Variants in HELZ observed in about 807,000 individuals in gnomAD.
HELZ encodes helicase with zinc finger, also known as ATP-dependent RNA helicase with zinc finger domain.
HELZ carries 23 observed loss-of-function variants against 218.2 expected under a neutral mutation model. The observed-to-expected ratio is 0.11, with a 90% confidence interval of 0.08 to 0.15. HELZ has a LOEUF of 0.15. Ranked by LOEUF, HELZ falls within the 10% of genes least tolerant of loss-of-function variation. The pLI is 1.00. For synonymous variants in HELZ, 814 were observed against 829.4 expected, an observed-to-expected ratio of 0.98 and a Z score of 0.32; for missense variants, 1,813 against 2,353.7, an observed-to-expected ratio of 0.77 and a Z score of 4.75.
Position 67,108,704 on chromosome 17 carries a change from A to G in HELZ, c.4512T>C (p.Ala1504=), listed in dbSNP as rs200331378. The G allele has an allele frequency of 2.5e-3, 4,017 of 1,611,522 alleles. 14 individuals are homozygous for G. Among genetic ancestry groups the G allele is most frequent in the Non-Finnish European group, 3.1e-3 (3,600 of 1,177,900 alleles). ...CCTGCTGCTGCCTTAATGTTTCCAGAGCGACACTCCCATGTATACGATCTG... is the reference window on the plus strand; with the variant it reads ...CCTGCTGCTGCCTTAATGTTTCCAGGGCGACACTCCCATGTATACGATCTG... ...EALDRIHGSV[A]LETLRQQQAR... Residue 1504 remains alanine, a synonymous_variant, in exon 30 of 33, where the codon GCT becomes GCC. Transcript: ENST00000358691. The surrounding 1 kb of genome is among the most constrained non-coding windows in gnomAD (Gnocchi z 4.1).
intron 29 of HELZ, 71 bp downstream of exon 29, chr17:67,109,037 TAACCCAAA>T: frequency 8.3e-7 from 1 of 1,207,056 alleles, no homozygotes; most frequent in Non-Finnish European, 1.2e-6. Flanking sequence ...AATTCAATCT[TAACCCAAA>T]ATGATATTAT....
At chr17:67,137,704 A>C (rs555401727) in intron 22 of HELZ, among the ~76,000 whole-genome samples, 20 of 152,354 alleles carry the variant, frequency 1.3e-4, no homozygotes, top group African/African-American at 4.3e-4. Context: ...TGATATAATT[A>C]TGGTCACAGA....
chr17:67,195,609 ATTT>A lies in HELZ; in HGVS notation c.430-142_430-140del, dbSNP rs543919214. The stretch of plus-strand genomic sequence containing the variant: ...TAATAACATTAATATGTTGCCAATG[ATTT>A]TTGTTTTTTTCTACGTTAAACTATA... On this transcript the variant is annotated intron_variant, in intron 7 of 32. Transcript: ENST00000358691. The A allele has an allele frequency of 3.5e-6, 2 of 566,798 alleles. 1 individual carries two copies. The highest frequency in any genetic ancestry group is 6.4e-6 in the Non-Finnish European group (2 of 312,158). 35.1% of individuals were successfully genotyped at this position (566,798 alleles called of 1,614,324 possible).
At chr17:67,110,813 T>C (rs1466828185) in intron 28 of HELZ, among the ~76,000 whole-genome samples, 2 of 152,154 alleles carry the variant, frequency 1.3e-5, no homozygotes, top group South Asian at 4.1e-4. Context: ...AAGGCTAAGA[T>C]TTACTATCTG....
rs547522569 is a variant in HELZ at position 67,094,739 on chromosome 17, A to G, written c.5242-7658T>C. The stretch of plus-strand genomic sequence containing the variant: ...CATGAGTTTGAGGCTTAAGTGAGTT[A>G]TGATCACACCCATGAATAGCCACTG... On this transcript the variant is annotated intron_variant, in intron 31 of 32. Transcript: ENST00000358691. Among the ~76,000 whole-genome samples the G allele has an allele frequency of 2.6e-5, 4 of 152,308 alleles. No homozygotes were observed. In the South Asian group the frequency reaches 6.2e-4, roughly 24 times the overall value.
In HELZ at chr17:67,120,376, G is replaced by A. The variant is rs138115368; in HGVS notation, c.3838+29C>T. ...AAAACTTTACCTGTCATCAGTTTAT[G>A]AACAGGAGAACAGCGAAGTACAACT... On this transcript the variant is annotated intron_variant, in intron 27 of 32. Coordinates refer to ENST00000358691, the MANE Select transcript of HELZ (RefSeq NM_014877.4). 1,273 of 1,571,418 alleles carry A rather than the reference G, an allele frequency of 8.1e-4. 13 individuals are homozygous for A. The South Asian group carries it at 8.9e-3, about 11-fold the overall frequency.
rs1430124973 is a variant in HELZ, at chr17:67,188,221, T to C, written c.1162+98A>G. 8.6e-7 allele frequency: 1 copy of C among 1,162,606 alleles called. No homozygotes were observed. The highest frequency in any genetic ancestry group is 1.2e-6 in the Non-Finnish European group (1 of 815,874). 72.0% of individuals were successfully genotyped at this position (1,162,606 alleles called of 1,614,324 possible). The stretch of plus-strand genomic sequence containing the variant: ...GTTGGGATTTTTTTCTTTATTACTA[T>C]TCTCTTCCTATCCATGGAATATATT... On this transcript the variant is annotated intron_variant, in intron 12 of 32. Coordinates refer to ENST00000358691, the MANE Select transcript of HELZ (RefSeq NM_014877.4). This position sits in a 1 kb window ranked among gnomAD's most constrained non-coding sequence, Gnocchi z 4.1.
intron 24 of HELZ, among the ~76,000 whole-genome samples, chr17:67,127,848 A>G (rs1206367448): frequency 6.6e-6 from 1 of 152,102 alleles, no homozygotes; most frequent in Non-Finnish European, 1.5e-5. Flanking sequence ...TCTCAAAAAA[A>G]AAAAAAAGAT....
intron 22 of HELZ, 44 bp from the exon 23 acceptor site, chr17:67,136,242 T>C (rs766928818): frequency 1.6e-6 from 2 of 1,230,968 alleles, no homozygotes; most frequent in Admixed American, 4.0e-5. Context: ...ATTGTCATTC[T>C]GAACCACTGA....
chr17:67,118,852 T>A (rs2037511091), intron 27 of HELZ, among the ~76,000 whole-genome samples: 1 of 150,426 alleles, frequency 6.6e-6, no homozygotes, highest in Non-Finnish European at 1.5e-5. Context: ...TAAATAGAGG[T>A]TTCATCAAAC....
At chr17:67,203,137 CA>C (rs558879920) in intron 6 of HELZ, among the ~76,000 whole-genome samples, 181 bp downstream of exon 6, 236 of 151,012 alleles carry the variant, frequency 1.6e-3, no homozygotes, top group Non-Finnish European at 2.7e-3. Context: ...AAGAAAAAAA[CA>C]AAAAAAGAAA....
At chr17:67,165,511 G>A (rs1211294555) in intron 15 of HELZ, among the ~76,000 whole-genome samples, 1 of 152,104 alleles carries the variant, frequency 6.6e-6, no homozygotes, top group Non-Finnish European at 1.5e-5. Context: ...TACCATGATT[G>A]AATTGACACA....
chr17:67,144,287 AG>A (rs1260866899), intron 21 of HELZ, among the ~76,000 whole-genome samples: 1 of 152,072 alleles, frequency 6.6e-6, no homozygotes, highest in Non-Finnish European at 1.5e-5. Flanking sequence ...TGCCCCTTGC[AG>A]GAAGAGTCCT....
chr17:67,231,611 A>G (rs1481156287), intron 3 of HELZ, among the ~76,000 whole-genome samples: 1 of 151,486 alleles, frequency 6.6e-6, no homozygotes, highest in African/African-American at 2.4e-5. Flanking sequence ...AAAAAAAAAG[A>G]AATGTACCAA....
chr17:67,202,779 C>T (rs1480131642), intron 6 of HELZ, among the ~76,000 whole-genome samples: 1 of 152,142 alleles, frequency 6.6e-6, no homozygotes, highest in Non-Finnish European at 1.5e-5. Flanking sequence ...TTTAAAGTAT[C>T]TACAATTCTT....
intron 5 of HELZ, among the ~76,000 whole-genome samples, chr17:67,208,236 AAAG>A (rs2040355807): frequency 6.6e-6 from 1 of 152,160 alleles, no homozygotes; most frequent in South Asian, 2.1e-4. Flanking sequence ...AACAACAAAA[AAAG>A]AAGTTTTTCA....
At chr17:67,083,527 C>G (rs763981082) in intron 32 of HELZ, among the ~76,000 whole-genome samples, 16 of 152,128 alleles carry the variant, frequency 1.1e-4, no homozygotes, top group Non-Finnish European at 2.4e-4. Flanking sequence ...ACTCAGGAGG[C>G]TGAGGCAGGA....
chr17:67,123,210 C>A (rs2143840728), intron 25 of HELZ, 50 bp from the exon 26 acceptor site: 1 of 1,092,318 alleles, frequency 9.2e-7, no homozygotes, highest in Non-Finnish European at 1.3e-6. Context: ...ACATAGTCAT[C>A]CAGAAAAAAT....
chr17:67,180,254 C>CA (rs2144234201), intron 12 of HELZ, among the ~76,000 whole-genome samples: 1 of 152,122 alleles, frequency 6.6e-6, no homozygotes, highest in East Asian at 1.9e-4. Flanking sequence ...GAGGTCAAGG[C>CA]AGGAGGATCG....
Sources: allele counts gnomAD v4.1 joint callset (sites outside exome capture counted in the v4.1 genomes callset), GRCh38; gene constraint gnomAD v4.1.1; non-coding constraint Gnocchi (gnomAD v3.1); transcripts MANE v1.5; gene names NCBI Gene and HGNC (gene_info 2026-07-23, HGNC 2026-07-21).